Variants in IFI16 observed in about 807,000 individuals in gnomAD.
IFI16 encodes gamma-interferon-inducible protein 16.
Under a neutral mutation model 68.4 loss-of-function variants are expected in IFI16, and 49 were observed. The ratio of observed to expected loss-of-function variants is 0.72; its 90% CI spans 0.57 to 0.91. The LOEUF (loss-of-function observed/expected upper bound fraction) is 0.91. Among genes scored for constraint, IFI16 ranks in the 40% least tolerant of loss-of-function variants. The pLI is 0.00. For synonymous variants in IFI16, 307 were observed against 315.0 expected (o/e 0.97, Z 0.27); for missense variants, 878 against 942.9 (o/e 0.93, Z 0.90).
intron 9 of IFI16, among the ~76,000 whole-genome samples, chr1:159,050,700 T>C (rs906481935): frequency 6.6e-6 from 1 of 152,002 alleles, no homozygotes; most frequent in Non-Finnish European, 1.5e-5. Flanking sequence ...GTCAAAGTGC[T>C]CTCCTACAAC....
intron 7 of IFI16, among the ~76,000 whole-genome samples, chr1:159,042,631 A>G (rs1654726221): frequency 6.6e-6 from 1 of 152,190 alleles, no homozygotes; most frequent in African/African-American, 2.4e-5. Flanking sequence ...TCCTCCCAGA[A>G]TAGATCATAT....
At chr1:159,035,460 C>T (rs534977094) in intron 7 of IFI16, among the ~76,000 whole-genome samples, 3 of 152,332 alleles carry the variant, frequency 2.0e-5, no homozygotes, top group Non-Finnish European at 2.9e-5. Flanking sequence ...TGAATCACAA[C>T]CCTTGCTACA....
chr1:159,019,408 C>T (rs1653148819), intron 5 of IFI16, among the ~76,000 whole-genome samples: 1 of 152,174 alleles, frequency 6.6e-6, no homozygotes, highest in Non-Finnish European at 1.5e-5. Context: ...TACTTCATTA[C>T]CCATTATATT....
chr1:159,050,275 G>A lies in IFI16; in HGVS notation c.1665+676G>A, dbSNP rs138293708. ...TTATAAAAATGATCATTTTTTATTT[G>A]GCTTTATGTTGTTTCCAGTATTCTG... is the stretch of plus-strand genomic sequence containing the variant. On this transcript the variant is annotated intron_variant, in intron 9 of 11. Coordinates refer to ENST00000295809, the MANE Select transcript of IFI16 (RefSeq NM_001376587.1). 3.2e-3 allele frequency among the ~76,000 whole-genome samples: 494 copies of A among 152,074 alleles called. 3 individuals carry two copies. Among genetic ancestry groups the A allele is most frequent in the African/African-American group, 0.011 (475 of 41,480 alleles).
chr1:159,054,881 TCAC>T lies in IFI16; in HGVS notation c.2341_2343del (p.Pro781del). 1 of 1,594,314 alleles carries T rather than the reference TCAC, an allele frequency of 6.3e-7. No individual in the cohort carries two copies. Among genetic ancestry groups the T allele is most frequent in the African/African-American group, 1.3e-5 (1 of 74,530 alleles). On this transcript the variant is annotated inframe_deletion, in exon 12 of 12. Transcript: ENST00000295809. Reference sequence around the variant, plus strand: ...CAATCCTGATTCAAGTATGGAAACTTCACCAGACTTTTTCTTCTAAAATCTGGA... The same window carrying T: ...CAATCCTGATTCAAGTATGGAAACTTCAGACTTTTTCTTCTAAAATCTGGA...
chr1:159,025,114 A>G (rs1365065083), intron 6 of IFI16, among the ~76,000 whole-genome samples: 2 of 152,206 alleles, frequency 1.3e-5, no homozygotes, highest in Non-Finnish European at 2.9e-5. Flanking sequence ...AGGGAAAAGA[A>G]AGTGGAAAAT....
upstream of IFI16, among the ~76,000 whole-genome samples, chr1:159,006,451 T>C (rs1652263385): frequency 6.6e-6 from 1 of 152,182 alleles, no homozygotes; most frequent in Non-Finnish European, 1.5e-5. Context: ...TGTTATCTTT[T>C]TGAGAAAAAG....
rs1252433278 is a variant in IFI16 at position 159,047,101 on chromosome 1, G to A, written c.1497+1637G>A. 4.6e-5 allele frequency among the ~76,000 whole-genome samples: 7 copies of A among 150,670 alleles called. No individual in the cohort carries two copies. In the East Asian group the frequency reaches 7.7e-4, roughly 17 times the overall value. ...TATGGGCAGGGAAATACTGACCCAC[G>A]GCAACTTGAGGGATAGGGAACACTA... On this transcript the variant is annotated intron_variant, in intron 8 of 11. Coordinates refer to ENST00000295809, the MANE Select transcript of IFI16 (RefSeq NM_001376587.1).
chr1:159,004,939 G>A (rs187695110), upstream of IFI16, among the ~76,000 whole-genome samples: 38 of 152,250 alleles, frequency 2.5e-4, no homozygotes, highest in East Asian at 6.0e-3. Context: ...AGATAAAGCC[G>A]GAGAAGTAGA....
chr1:159,019,625 A>G (rs1201791059), intron 5 of IFI16, among the ~76,000 whole-genome samples: 7 of 151,860 alleles, frequency 4.6e-5, no homozygotes, highest in African/African-American at 1.5e-4. Flanking sequence ...CGCCTGGCTA[A>G]ATTTTTTGTA....
At chr1:159,008,837 C>T (rs147321550), upstream of IFI16, among the ~76,000 whole-genome samples, 1 of 152,240 alleles carries the variant, frequency 6.6e-6, no homozygotes, top group African/African-American at 2.4e-5. Flanking sequence ...CACTTCATGG[C>T]CCTAGTTTGG....
chr1:159,047,702 A>G (rs1655080053), intron 8 of IFI16, among the ~76,000 whole-genome samples: 1 of 148,962 alleles, frequency 6.7e-6, no homozygotes, highest in Non-Finnish European at 1.5e-5. Flanking sequence ...CTGACCAATC[A>G]GTCTGTGATT....
Position 159,051,856 on chromosome 1 carries a change from G to A in IFI16, c.1843G>A (p.Val615Ile), listed in dbSNP as rs994934220. Reference sequence around the variant, plus strand: ...TGAGAATGAAGTCTTCCGAGTGAAGGTTTTTAATATTGACCTAAAGGAGAA... The same window carrying A: ...TGAGAATGAAGTCTTCCGAGTGAAGATTTTTAATATTGACCTAAAGGAGAA... ...ATENEVFRVK[V>I]FNIDLKEKFT... Residue 615 changes from valine (V) to isoleucine (I), a missense_variant, in exon 10 of 12, where the codon GTT becomes ATT. This residue lies in a region of IFI16 where 311 missense variants were observed against 305.1 expected (regional missense o/e 1.02). Transcript: ENST00000295809. 2 of 1,614,120 alleles carry A rather than the reference G, an allele frequency of 1.2e-6. No homozygotes were observed. The highest frequency in any genetic ancestry group is 1.7e-6 in the Non-Finnish European group (2 of 1,179,958).
upstream of IFI16, among the ~76,000 whole-genome samples, chr1:159,002,404 G>A (rs143107707): frequency 6.6e-6 from 1 of 152,132 alleles, no homozygotes; most frequent in Non-Finnish European, 1.5e-5. Context: ...TGAAGCATTA[G>A]CAATTATTTT....
chr1:159,036,739 C>T (rs911958183), intron 7 of IFI16, among the ~76,000 whole-genome samples: 1 of 152,162 alleles, frequency 6.6e-6, no homozygotes, highest in African/African-American at 2.4e-5. Context: ...CTGTGTTCAT[C>T]TGCACCCAAT....
intron 1 of IFI16, among the ~76,000 whole-genome samples, chr1:159,011,716 A>G (rs1368399118): frequency 6.6e-6 from 1 of 152,156 alleles, no homozygotes; most frequent in East Asian, 1.9e-4. Context: ...TTAAAATTAC[A>G]CAAACATAGA....
chr1:159,044,500 A>G (rs1654860844), intron 7 of IFI16, among the ~76,000 whole-genome samples: 1 of 152,080 alleles, frequency 6.6e-6, no homozygotes, highest in African/African-American at 2.4e-5. Context: ...TCTTTTGTGT[A>G]CCTCTCTATC....
chr1:159,053,422 GCT>G (rs1392586268), intron 10 of IFI16, 109 bp from the exon 11 acceptor site: 8 of 689,764 alleles, frequency 1.2e-5, no homozygotes, highest in Middle Eastern at 7.2e-4. Flanking sequence ...AGGACCTACA[GCT>G]CTGTTTACTC....
chr1:159,031,734 G>A (rs1040159547), intron 6 of IFI16, among the ~76,000 whole-genome samples: 1 of 152,008 alleles, frequency 6.6e-6, no homozygotes, highest in Non-Finnish European at 1.5e-5. Flanking sequence ...TTTCAAACGT[G>A]CCATTTTGAA....
Sources: gnomAD v4.1 joint callset for allele counts (sites outside exome capture counted in the v4.1 genomes callset) on GRCh38, gnomAD v4.1.1 for gene constraint, gnomAD v4.1.1 regional missense constraint, MANE v1.5 for transcripts, NCBI Gene and HGNC (gene_info 2026-07-23, HGNC 2026-07-21) for gene names.